The following NBPF14 variants were observed in gnomAD, a reference collection of about 807,000 sequenced individuals.
The protein encoded by NBPF14 is NBPF family member NBPF14.
Under a neutral mutation model 91.2 loss-of-function variants are expected in NBPF14, and 104 were observed. The ratio of observed to expected loss-of-function variants is 1.14; its 90% CI spans 0.97 to 1.34. NBPF14 has a LOEUF of 1.34. Among genes scored for constraint, NBPF14 ranks in the 40% most tolerant of loss-of-function variants. The pLI is 0.00. For missense variants in NBPF14, 908 were observed against 783.0 expected, an observed-to-expected ratio of 1.16 and a Z score of -1.91; for synonymous variants, 294 against 303.8, an observed-to-expected ratio of 0.97 and a Z score of 0.34.
intron 12 of NBPF14, among the ~76,000 whole-genome samples, chr1:148,579,847 G>T (rs1484950408): frequency 6.6e-6 from 1 of 152,140 alleles, no homozygotes; most frequent in Non-Finnish European, 1.5e-5. Context: ...CAGACCTGAA[G>T]CTGAGGGACC....
intron 3 of NBPF14, among the ~76,000 whole-genome samples, chr1:148,593,148 C>A (rs1662770366): frequency 6.8e-6 from 1 of 147,484 alleles, no homozygotes; most frequent in African/African-American, 2.5e-5. Context: ...AGAAATGAGG[C>A]CAGGTGCAGA....
In NBPF14 at chr1:148,593,508, C is replaced by T; in HGVS notation, c.278+90G>A. On this transcript the variant is annotated intron_variant, in intron 3 of 70. Coordinates refer to ENST00000619423, the Ensembl canonical transcript of NBPF14. The stretch of plus-strand genomic sequence containing the variant: ...GGCAATTTCTGCCCTTCCCCTGGCC[C>T]AGCTTCGTTCTTACTTCTCCCCGCC... 4 of 769,024 alleles carry T rather than the reference C, an allele frequency of 5.2e-6. 1 individual carries two copies. The highest frequency in any genetic ancestry group is 9.0e-6 in the Non-Finnish European group (4 of 445,236). 47.6% of individuals were successfully genotyped at this position (769,024 alleles called of 1,614,324 possible). A position where few individuals can be genotyped will look rare whatever the true frequency, so the allele number is the denominator to read the frequency against.
At chr1:148,592,699 C>A (rs1381428153) in exon 4 of NBPF14, 19,403 of 1,587,078 alleles carry the variant, frequency 0.012, 1,967 homozygotes, top group Non-Finnish European at 0.015. Context: ...GCATCTCTCC[C>A]TTCCCGTAAC....
At chr1:148,585,492 T>G (rs1661362406) in intron 9 of NBPF14, among the ~76,000 whole-genome samples, 1 of 150,922 alleles carries the variant, frequency 6.6e-6, no homozygotes, top group African/African-American at 2.4e-5. Flanking sequence ...CTCTGGACGT[T>G]GGCAGCTGTC....
chr1:148,539,355 A>C (rs1655522665), intron 63 of NBPF14, 55 bp downstream of exon 63: 1 of 508,022 alleles, frequency 2.0e-6, no homozygotes. Context: ...CAGGAATATC[A>C]CCCCTATCTG....
Position 148,533,414 on chromosome 1 carries a change from G to A in NBPF14, c.8724-166C>T, listed in dbSNP as rs1202111689. On this transcript the variant is annotated intron_variant, in intron 70 of 70. Transcript: ENST00000619423. ...TTGCCTTTATGTTGGGATAGAACAG[G>A]GCCAGGTAGAAAACAATGAAAGAGA... is the stretch of plus-strand genomic sequence containing the variant. Among the ~76,000 whole-genome samples the A allele has an allele frequency of 8.7e-5, 13 of 150,184 alleles. No homozygotes were observed. In the Middle Eastern group the frequency reaches 0.01, roughly 118 times the overall value.
chr1:148,589,983 C>T (rs1662186245), intron 6 of NBPF14, among the ~76,000 whole-genome samples: 1 of 146,106 alleles, frequency 6.8e-6, no homozygotes, highest in South Asian at 2.2e-4. Context: ...CCGCCCACCT[C>T]AGCCTCCCAA....
At position 148,572,573 on chromosome 1, in the gene NBPF14, C is replaced by A. The variant is rs1214778191; in HGVS notation, c.2628G>T (p.Leu876Phe). Reference sequence around the variant, plus strand: ...AATAACATCTATCCAGTGAGTCCTGCAAGACTTCAGGCTCTTTCTCATCCA... The same window carrying A: ...AATAACATCTATCCAGTGAGTCCTGAAAGACTTCAGGCTCTTTCTCATCCA... The change falls in exon 21 of 71, where the codon TTG becomes TTT. Residue 876 changes from leucine to phenylalanine, a missense_variant. By Grantham distance (22) the Leu-to-Phe change is conservative. Transcript: ENST00000619423. 1.5e-5 allele frequency: 10 copies of A among 650,256 alleles called. 1 individual carries two copies. The East Asian group carries it at 2.7e-4, about 18-fold the overall frequency. 40.3% of individuals were successfully genotyped at this position (650,256 alleles called of 1,614,324 possible).
chr1:148,559,850 T>C lies in NBPF14; in HGVS notation c.4672A>G (p.Arg1558Gly), dbSNP rs1312126048. ...TGCTCCAATATGTAAAAGGCACTTCTATAGGGCTGGCATGAGTCAGTCAGT... is the reference window on the plus strand; with the variant it reads ...TGCTCCAATATGTAAAAGGCACTTCCATAGGGCTGGCATGAGTCAGTCAGT... Residue 1558 changes from arginine to glycine, a missense_variant, in exon 37 of 71, where the codon AGA becomes GGA. Arg to Gly is a moderately radical substitution (Grantham distance 125). Around this residue, in one of 13 missense-constraint regions of NBPF14, gnomAD observed 447 missense variants for 189.1 expected, o/e 2.36. Coordinates refer to ENST00000619423, the Ensembl canonical transcript of NBPF14. 35 of 1,524,164 alleles carry C rather than the reference T, an allele frequency of 2.3e-5. 8 individuals are homozygous for C. In the African/African-American group the frequency reaches 2.7e-4, roughly 12 times the overall value. 94.4% of individuals were successfully genotyped at this position (1,524,164 alleles called of 1,614,324 possible).
rs1293543528 is a variant in NBPF14, at chr1:148,577,570, A to T, written c.1854-215T>A. 4.1e-4 allele frequency among the ~76,000 whole-genome samples: 62 copies of T among 150,792 alleles called. 1 individual carries two copies. Among genetic ancestry groups the T allele is most frequent in the African/African-American group, 1.5e-3 (61 of 40,360 alleles). On this transcript the variant is annotated intron_variant, in intron 14 of 70. Coordinates refer to ENST00000619423, the Ensembl canonical transcript of NBPF14. Reference sequence around the variant, plus strand: ...CACACACACACACACACACACACACACACACACTCACACACACACAGAGCG... The same window carrying T: ...CACACACACACACACACACACACACTCACACACTCACACACACACAGAGCG...
chr1:148,576,254 C>G (rs1659701368), intron 16 of NBPF14, among the ~76,000 whole-genome samples, 156 bp downstream of exon 16: 2 of 125,234 alleles, frequency 1.6e-5, no homozygotes, highest in African/African-American at 7.4e-5. Context: ...GAAATGGAAA[C>G]CTAAGCATCT....
At chr1:148,577,405 A>C (rs1660023984) in intron 14 of NBPF14, 50 bp from the exon 15 acceptor site, 3 of 653,780 alleles carry the variant, frequency 4.6e-6, no homozygotes, top group Non-Finnish European at 5.5e-6. Flanking sequence ...ATCAGAAACC[A>C]CACAGCCCCA....
chr1:148,539,289 C>T (rs1655500835), intron 63 of NBPF14, 121 bp downstream of exon 63: 3 of 637,626 alleles, frequency 4.7e-6, no homozygotes, highest in Admixed American at 2.0e-5. Flanking sequence ...CTATATGCGC[C>T]CATAGGTCCT....
Position 148,534,178 on chromosome 1 carries a change from C to G in NBPF14, c.8615-209G>C, listed in dbSNP as rs1185317841. ...AAACTGTGGGTAAAATGTCCCTATT[C>G]TAGTAGATCGTTATCCCAATATCAT... is the stretch of plus-strand genomic sequence containing the variant. On this transcript the variant is annotated intron_variant, in intron 69 of 70. Transcript: ENST00000619423. Among the ~76,000 whole-genome samples, 8 of 149,718 alleles carry G rather than the reference C, an allele frequency of 5.3e-5. No homozygotes were observed. The South Asian group carries it at 1.3e-3, about 24-fold the overall frequency.
chr1:148,535,114 A>G (rs1654846055), intron 68 of NBPF14, among the ~76,000 whole-genome samples: 1 of 146,244 alleles, frequency 6.8e-6, no homozygotes, highest in Non-Finnish European at 1.5e-5. Context: ...ACACTGATGA[A>G]GGGGTCAAAG....
intron 10 of NBPF14, among the ~76,000 whole-genome samples, 193 bp downstream of exon 10, chr1:148,584,948 C>T (rs1445721426): frequency 6.8e-6 from 1 of 147,692 alleles, no homozygotes; most frequent in Non-Finnish European, 1.5e-5. Flanking sequence ...CTGTACGGTG[C>T]AGACATGACA....
chr1:148,542,220 A>C (rs1655666910), intron 59 of NBPF14, among the ~76,000 whole-genome samples: 1 of 83,868 alleles, frequency 1.2e-5, no homozygotes, highest in Non-Finnish European at 2.0e-5. Context: ...AGGACTTTAG[A>C]CACTGAAATT....
At chr1:148,559,361 C>A (rs1457839781) in intron 37 of NBPF14, among the ~76,000 whole-genome samples, 4 of 124,966 alleles carry the variant, frequency 3.2e-5, no homozygotes, top group Middle Eastern at 3.7e-3. Context: ...CGATTTAAAG[C>A]AATTGCCCCC....
chr1:148,577,139 G>C (rs1197688938), intron 15 of NBPF14, 44 bp downstream of exon 15: 3 of 613,266 alleles, frequency 4.9e-6, no homozygotes, highest in South Asian at 4.0e-5. Context: ...ACCCTAACCA[G>C]AAGACTCAGT....
Sources: allele counts gnomAD v4.1 joint callset (sites outside exome capture counted in the v4.1 genomes callset), GRCh38; gene constraint gnomAD v4.1.1; regional missense constraint gnomAD v4.1.1; transcripts MANE v1.5; gene names NCBI Gene and HGNC (gene_info 2026-07-23, HGNC 2026-07-21).